The following CNOT4 variants were observed in gnomAD, a reference collection of about 807,000 sequenced individuals.
CNOT4 encodes CCR4-NOT transcription complex subunit 4.
A neutral mutation model predicts 73.8 loss-of-function variants in CNOT4; 8 were observed. That is an observed-to-expected ratio of 0.11 (90% CI 0.06 to 0.20). The LOEUF is 0.20. CNOT4 is among the 10% of genes least tolerant of loss of function. CNOT4 has a pLI of 1.00. For synonymous variants in CNOT4, 293 were observed against 321.1 expected, an observed-to-expected ratio of 0.91 and a Z score of 0.94; for missense variants, 564 against 883.4, an observed-to-expected ratio of 0.64 and a Z score of 4.58.
chr7:135,383,996 T>C (rs932700115), intron 10 of CNOT4, among the ~76,000 whole-genome samples: 1 of 152,156 alleles, frequency 6.6e-6, no homozygotes, highest in African/African-American at 2.4e-5. Context: ...CAGAGGAACA[T>C]ACAAAACCAC....
chr7:135,445,788 T>C (rs1017326450), intron 1 of CNOT4, among the ~76,000 whole-genome samples: 17 of 152,184 alleles, frequency 1.1e-4, no homozygotes, highest in Admixed American at 1.1e-3. Context: ...TTCTGATACA[T>C]GCTACAACAT....
chr7:135,387,972 A>ATTCT, intron 10 of CNOT4: 1 of 977,606 alleles, frequency 1.0e-6, no homozygotes, highest in Non-Finnish European at 1.2e-6. Flanking sequence ...ATCCCACAGA[A>ATTCT]TTACTGTTTG....
chr7:135,480,279 G>A (rs1348966170), intron 1 of CNOT4, among the ~76,000 whole-genome samples: 1 of 152,144 alleles, frequency 6.6e-6, no homozygotes, highest in African/African-American at 2.4e-5. Flanking sequence ...GCCAAAACTT[G>A]ATCATAATCA....
chr7:135,474,276 A>ATTTTTT (rs869203152), intron 1 of CNOT4, among the ~76,000 whole-genome samples: 5 of 87,972 alleles, frequency 5.7e-5, no homozygotes, highest in African/African-American at 2.0e-4. Flanking sequence ...CTGTGCCCAA[A>ATTTTTT]TTTTTTTTTT....
Position 135,398,176 on chromosome 7 carries a change from G to A in CNOT4, c.872C>T (p.Ser291Phe). 6 of 1,530,970 alleles carry A rather than the reference G, an allele frequency of 3.9e-6. No individual in the cohort carries two copies. Among genetic ancestry groups the A allele is most frequent in the Non-Finnish European group, 5.4e-6 (6 of 1,105,540 alleles). The allele number at this position is 1,530,970 out of a possible 1,614,324, so 94.8% of individuals were successfully genotyped here. Residue 291 changes from serine (S) to phenylalanine (F), a missense_variant, in exon 8 of 12, where the codon TCC becomes TTC. Physicochemically the swap from Ser to Phe is radical, Grantham distance 155. Coordinates refer to ENST00000541284, the MANE Select transcript of CNOT4 (RefSeq NM_001190850.2). ...ACTGTATTCAAATCTTACCTGCTGG[G>A]AATTATCACCGTTCCCTATACTGAG... The part of the protein sequence containing the change: ...DSLSIGNGDN[S>F]QQISNSDTPS...
chr7:135,398,008 T>C (rs895037588), intron 8 of CNOT4, among the ~76,000 whole-genome samples, 161 bp downstream of exon 8: 1 of 152,068 alleles, frequency 6.6e-6, no homozygotes, highest in Non-Finnish European at 1.5e-5. Flanking sequence ...CTCTATATAT[T>C]CTGGGGGGAA....
chr7:135,374,812 G>A (rs2129482685), intron 10 of CNOT4, among the ~76,000 whole-genome samples: 1 of 152,178 alleles, frequency 6.6e-6, no homozygotes, highest in Non-Finnish European at 1.5e-5. Flanking sequence ...ATATACATTA[G>A]ATTTTTAAAA....
At chr7:135,369,633 A>T (rs1229286197) in intron 10 of CNOT4, among the ~76,000 whole-genome samples, 2 of 152,252 alleles carry the variant, frequency 1.3e-5, no homozygotes, top group Non-Finnish European at 2.9e-5. Context: ...GTGGCTACAC[A>T]TCAGAAACCT....
At chr7:135,490,843 G>A (rs1358305612) in intron 1 of CNOT4, among the ~76,000 whole-genome samples, 1 of 152,142 alleles carries the variant, frequency 6.6e-6, no homozygotes, top group Non-Finnish European at 1.5e-5. Flanking sequence ...GACTACAGAG[G>A]GCAAGGGTAG....
At position 135,379,218 on chromosome 7, in the gene CNOT4, C is replaced by T. The variant is rs566903808; in HGVS notation, c.1627+14700G>A. On this transcript the variant is annotated intron_variant, in intron 10 of 11. Coordinates refer to ENST00000541284, the MANE Select transcript of CNOT4 (RefSeq NM_001190850.2). ...GACTTATAATAGTCAATAGTTAAAACCTGAAAGCGTGTTATAAAACAAAGG... is the reference window on the plus strand; with the variant it reads ...GACTTATAATAGTCAATAGTTAAAATCTGAAAGCGTGTTATAAAACAAAGG... 5.1e-4 allele frequency among the ~76,000 whole-genome samples: 77 copies of T among 152,246 alleles called. No individual in the cohort carries two copies. In the South Asian group the frequency reaches 0.016, roughly 31 times the overall value.
chr7:135,453,036 T>G (rs1055578095), intron 1 of CNOT4, among the ~76,000 whole-genome samples: 3 of 152,196 alleles, frequency 2.0e-5, no homozygotes, highest in African/African-American at 7.2e-5. Flanking sequence ...GGAAAAAGTA[T>G]CTGATAGGGT....
chr7:135,408,889 A>G (rs372536713), intron 7 of CNOT4, among the ~76,000 whole-genome samples: 12 of 152,186 alleles, frequency 7.9e-5, no homozygotes, highest in African/African-American at 2.9e-4. Context: ...ATCACTTTCA[A>G]TGAAAAGCTC....
Position 135,510,030 on chromosome 7 carries a change from A to G in CNOT4, c.-234T>C. ...AGCGAGTCCGACCTTTACGGCTGAG[A>G]GAGAGACTCTCAGCTTTCGGTGGGT... On this transcript the variant is annotated 5_prime_UTR_variant, in exon 1 of 12. Coordinates refer to ENST00000541284, the MANE Select transcript of CNOT4 (RefSeq NM_001190850.2). 1 of 398,678 alleles carries G rather than the reference A, an allele frequency of 2.5e-6. No individual in the cohort carries two copies. The highest frequency in any genetic ancestry group is 4.4e-6 in the Non-Finnish European group (1 of 226,124). 24.7% of individuals were successfully genotyped at this position (398,678 alleles called of 1,614,324 possible).
chr7:135,454,466 C>A (rs1466122798), intron 1 of CNOT4, among the ~76,000 whole-genome samples: 1 of 150,998 alleles, frequency 6.6e-6, no homozygotes, highest in Non-Finnish European at 1.5e-5. Flanking sequence ...CCAGCCTGGG[C>A]AATATGGCGA....
At chr7:135,475,872 C>T (rs1193945718) in intron 1 of CNOT4, among the ~76,000 whole-genome samples, 1 of 152,120 alleles carries the variant, frequency 6.6e-6, no homozygotes, top group Non-Finnish European at 1.5e-5. Flanking sequence ...GTTCACGCCA[C>T]TGCACTCCAG....
In CNOT4 at chr7:135,426,146, C is replaced by T. The variant is rs185539036; in HGVS notation, c.175-3793G>A. ...GGAGGGATGCTTGAGCACAGGAGTT[C>T]GAGGCTGCAATGAACTACAATGGCA... On this transcript the variant is annotated intron_variant, in intron 2 of 11. Coordinates refer to ENST00000541284, the MANE Select transcript of CNOT4 (RefSeq NM_001190850.2). Among the ~76,000 whole-genome samples the T allele has an allele frequency of 9.4e-4, 143 of 151,926 alleles. 2 individuals carry two copies. The highest frequency in any genetic ancestry group is 3.4e-3 in the Middle Eastern group (1 of 292).
In CNOT4 at chr7:135,395,903, A is replaced by G; in HGVS notation, c.880-20T>C. ...AGATATCTGAATAAAAAAGGAAAACAAATAATAACTACATGTTTATACATT... is the reference window on the plus strand; with the variant it reads ...AGATATCTGAATAAAAAAGGAAAACGAATAATAACTACATGTTTATACATT... On this transcript the variant is annotated intron_variant, in intron 8 of 11. Coordinates refer to ENST00000541284, the MANE Select transcript of CNOT4 (RefSeq NM_001190850.2). 6.5e-7 allele frequency: 1 copy of G among 1,547,194 alleles called. No homozygotes were observed. Among genetic ancestry groups the G allele is most frequent in the Non-Finnish European group, 8.9e-7 (1 of 1,120,538 alleles).
At chr7:135,504,518 G>A (rs1804228872) in intron 1 of CNOT4, among the ~76,000 whole-genome samples, 1 of 84,218 alleles carries the variant, frequency 1.2e-5, no homozygotes. Context: ...ACGGAGTCTC[G>A]CTCTGTCGCC....
chr7:135,387,640 T>C, intron 10 of CNOT4: 1 of 984,500 alleles, frequency 1.0e-6, no homozygotes, highest in Non-Finnish European at 1.2e-6. Context: ...TCTTCCCAGA[T>C]GCTTCATGTA....
Sources: gnomAD v4.1 joint callset for allele counts (sites outside exome capture counted in the v4.1 genomes callset) on GRCh38, gnomAD v4.1.1 for gene constraint, MANE v1.5 for transcripts, NCBI Gene and HGNC (gene_info 2026-07-23, HGNC 2026-07-21) for gene names.